Variants in ARB2A observed in about 807,000 individuals in gnomAD.
ARB2A encodes ARB2 cotranscriptional regulator A, also known as cotranscriptional regulator ARB2A.
the ARB2A span, among the ~76,000 whole-genome samples, chr5:94,002,303 G>C: frequency 1.3e-5 from 2 of 152,032 alleles, no homozygotes; most frequent in Non-Finnish European, 2.9e-5. Context: ...AGATTTTTCT[G>C]ATATTTACTA....
At chr5:93,695,042 G>C in the ARB2A span, among the ~76,000 whole-genome samples, 7 of 152,126 alleles carry the variant, frequency 4.6e-5, no homozygotes, top group African/African-American at 1.7e-4. Flanking sequence ...ATTAACTCAA[G>C]ATGGATTAAA....
At chr5:93,816,401 AAG>A in the ARB2A span, among the ~76,000 whole-genome samples, 1 of 152,228 alleles carries the variant, frequency 6.6e-6, no homozygotes, top group Non-Finnish European at 1.5e-5. Flanking sequence ...CAATGGAAAA[AAG>A]AAATATTTCT....
At chr5:93,922,323 G>A in the ARB2A span, among the ~76,000 whole-genome samples, 1 of 151,768 alleles carries the variant, frequency 6.6e-6, no homozygotes, top group Non-Finnish European at 1.5e-5. Flanking sequence ...TTCAAGATAA[G>A]GATCTTGGGA....
the ARB2A span, among the ~76,000 whole-genome samples, chr5:93,788,553 A>G: frequency 3.3e-5 from 5 of 152,172 alleles, no homozygotes; most frequent in African/African-American, 4.8e-5. Context: ...CAAATGCTTC[A>G]TGTCATCCTA....
At chr5:93,718,178 A>G in the ARB2A span, among the ~76,000 whole-genome samples, 4 of 152,042 alleles carry the variant, frequency 2.6e-5, no homozygotes, top group Non-Finnish European at 5.9e-5. Flanking sequence ...GCGGTGGCTC[A>G]CACCTGTAAT....
At chr5:93,829,205 C>T in the ARB2A span, among the ~76,000 whole-genome samples, 5 of 152,164 alleles carry the variant, frequency 3.3e-5, no homozygotes, top group Admixed American at 2.0e-4. Flanking sequence ...TACAAAATAC[C>T]TTGACCCCAA....
At chr5:93,945,108 G>A in the ARB2A span, among the ~76,000 whole-genome samples, 1 of 152,210 alleles carries the variant, frequency 6.6e-6, no homozygotes, top group Non-Finnish European at 1.5e-5. Flanking sequence ...TGACATGTGT[G>A]GCCAACACTG....
At chr5:94,026,653 G>A in the ARB2A span, among the ~76,000 whole-genome samples, 1 of 152,138 alleles carries the variant, frequency 6.6e-6, no homozygotes, top group East Asian at 1.9e-4. Context: ...GGTGAAGGGT[G>A]GGGATCAATC....
the ARB2A span, among the ~76,000 whole-genome samples, chr5:93,887,709 C>T: frequency 1.7e-3 from 260 of 151,912 alleles, 1 homozygote; most frequent in African/African-American, 5.9e-3. Flanking sequence ...ATAAATGTAT[C>T]ATAAAAGTCC....
chr5:93,702,718 G>T, the ARB2A span, among the ~76,000 whole-genome samples: 1 of 152,148 alleles, frequency 6.6e-6, no homozygotes, highest in Non-Finnish European at 1.5e-5. Context: ...GTGTTGCTAT[G>T]AAGTCTCCTT....
At chr5:93,886,658 C>T in the ARB2A span, among the ~76,000 whole-genome samples, 1 of 151,520 alleles carries the variant, frequency 6.6e-6, no homozygotes, top group South Asian at 2.1e-4. Context: ...ACTAGTGAAG[C>T]GTTAAAGTAA....
At chr5:94,085,538 C>A in the ARB2A span, among the ~76,000 whole-genome samples, 12 of 152,260 alleles carry the variant, frequency 7.9e-5, 1 homozygote, top group African/African-American at 2.9e-4. Flanking sequence ...TGTGGGAGGG[C>A]TTTCTCAAGA....
the ARB2A span, chr5:93,741,650 C>T: frequency 2.8e-6 from 4 of 1,412,370 alleles, no homozygotes; most frequent in African/African-American, 4.3e-5. Flanking sequence ...AAGCCCCGCC[C>T]CCCAGTGGGC....
chr5:93,728,817 A>T, the ARB2A span, among the ~76,000 whole-genome samples: 1 of 152,270 alleles, frequency 6.6e-6, no homozygotes, highest in Middle Eastern at 3.4e-3. Context: ...CAACAACAAC[A>T]TCATTAACAA....
At chr5:93,670,191 G>A in the ARB2A span, among the ~76,000 whole-genome samples, 1 of 152,104 alleles carries the variant, frequency 6.6e-6, no homozygotes, top group Non-Finnish European at 1.5e-5. Context: ...CTAGGCTATT[G>A]AGCCAGCTTC....
chr5:94,078,379 A>T, the ARB2A span, among the ~76,000 whole-genome samples: 1 of 152,162 alleles, frequency 6.6e-6, no homozygotes, highest in African/African-American at 2.4e-5. Flanking sequence ...GGCACAAGGG[A>T]TTTATAAGGA....
chr5:93,981,523 A>G, the ARB2A span, among the ~76,000 whole-genome samples: 2 of 152,092 alleles, frequency 1.3e-5, no homozygotes, highest in Non-Finnish European at 2.9e-5. Context: ...ATTTATTAAT[A>G]CATTAACAGA....
the ARB2A span, among the ~76,000 whole-genome samples, chr5:93,672,528 TCAA>T: frequency 6.6e-6 from 1 of 152,102 alleles, no homozygotes; most frequent in Non-Finnish European, 1.5e-5. Flanking sequence ...CAGGATGGTC[TCAA>T]TCTCCTGACC....
the ARB2A span, among the ~76,000 whole-genome samples, chr5:93,947,234 T>A: frequency 2.7e-4 from 41 of 152,256 alleles, no homozygotes; most frequent in East Asian, 7.5e-3. Flanking sequence ...CCCAAAGGTT[T>A]CATTGGTCCA....
Sources: allele counts gnomAD v4.1 joint callset (sites outside exome capture counted in the v4.1 genomes callset), GRCh38; gene constraint gnomAD v4.1.1; transcripts MANE v1.5; gene names NCBI Gene and HGNC (gene_info 2026-07-23, HGNC 2026-07-21).